The following LRRC2 variants were observed in gnomAD, a reference collection of about 807,000 sequenced individuals.
The protein encoded by LRRC2 is leucine rich repeat containing 2.
Under a neutral mutation model 40.2 loss-of-function variants are expected in LRRC2, and 27 were observed. The ratio of observed to expected loss-of-function variants is 0.67; its 90% CI spans 0.49 to 0.93. The LOEUF is 0.93. LRRC2 is among the 40% of genes least tolerant of loss of function. The pLI is 0.00. For synonymous variants in LRRC2, 147 were observed against 158.9 expected (o/e 0.92, Z 0.56); for missense variants, 402 against 439.6 (o/e 0.91, Z 0.76).
At chr3:46,564,675 G>A (rs554693870) in intron 1 of LRRC2, among the ~76,000 whole-genome samples, 23 of 152,226 alleles carry the variant, frequency 1.5e-4, no homozygotes, top group East Asian at 9.7e-4. Context: ...AGAGGAGGAC[G>A]GAGCTGATGC....
chr3:46,546,315 G>T (rs568705220), intron 2 of LRRC2, among the ~76,000 whole-genome samples: 1 of 152,234 alleles, frequency 6.6e-6, no homozygotes, highest in Admixed American at 6.5e-5. Flanking sequence ...AGGCTGTAGG[G>T]TGGCACTGTG....
chr3:46,529,221 A>G (rs1365659826), intron 6 of LRRC2, among the ~76,000 whole-genome samples: 3 of 152,166 alleles, frequency 2.0e-5, no homozygotes, highest in African/African-American at 7.2e-5. Flanking sequence ...GTCTAATAAT[A>G]TAAGTGAATG....
intron 3 of LRRC2, among the ~76,000 whole-genome samples, chr3:46,542,300 C>G (rs1704411931): frequency 6.6e-6 from 1 of 151,404 alleles, no homozygotes; most frequent in South Asian, 2.1e-4. Flanking sequence ...GAGTTCAAGA[C>G]CAGCCCAGAC....
At chr3:46,549,101 G>A (rs1704589098) in intron 2 of LRRC2, among the ~76,000 whole-genome samples, 1 of 152,136 alleles carries the variant, frequency 6.6e-6, no homozygotes, top group Admixed American at 6.5e-5. Context: ...TACTTATAAT[G>A]TTTAAGTATC....
At chr3:46,563,671 A>G (rs1704995495) in intron 1 of LRRC2, among the ~76,000 whole-genome samples, 2 of 152,146 alleles carry the variant, frequency 1.3e-5, no homozygotes, top group Non-Finnish European at 2.9e-5. Flanking sequence ...AAAGTATTTG[A>G]TTCATTATAT....
intron 4 of LRRC2, among the ~76,000 whole-genome samples, chr3:46,533,743 T>TTCCC (rs1553612478): frequency 8.9e-6 from 1 of 112,812 alleles, no homozygotes; most frequent in African/African-American, 3.4e-5. Flanking sequence ...CCTTCCTTCC[T>TTCCC]TCCTTCTTCC....
chr3:46,529,761 G>C, intron 6 of LRRC2, 144 bp downstream of exon 6: 1 of 851,308 alleles, frequency 1.2e-6, no homozygotes, highest in Non-Finnish European at 1.8e-6. Context: ...TAATTTCCTC[G>C]GAAACTGATT....
chr3:46,538,019 A>G (rs1165846603), intron 4 of LRRC2, among the ~76,000 whole-genome samples: 2 of 152,242 alleles, frequency 1.3e-5, no homozygotes, highest in African/African-American at 4.8e-5. Flanking sequence ...CAAGGTTAGT[A>G]CATGCATATG....
chr3:46,545,399 G>A (rs1044779711), intron 2 of LRRC2, 146 bp from the exon 3 acceptor site: 1 of 676,228 alleles, frequency 1.5e-6, no homozygotes, highest in East Asian at 2.7e-5. Context: ...CCTCCCTGCT[G>A]TGGGGGTGCA....
chr3:46,531,209 G>A (rs940035375), intron 5 of LRRC2, among the ~76,000 whole-genome samples: 1 of 150,820 alleles, frequency 6.6e-6, no homozygotes, highest in African/African-American at 2.4e-5. Context: ...GGAGTGCAGT[G>A]GAGAGATCTC....
intron 4 of LRRC2, among the ~76,000 whole-genome samples, chr3:46,535,566 T>C (rs945004559): frequency 6.6e-6 from 1 of 152,216 alleles, no homozygotes; most frequent in South Asian, 2.1e-4. Context: ...TGACCCCTTA[T>C]CCTACAAATG....
rs1703915767 is a variant in LRRC2 at position 46,518,865 on chromosome 3, C to T, written c.*149G>A. 3.6e-5 allele frequency: 23 copies of T among 632,944 alleles called. 1 individual carries two copies. In the South Asian group the frequency reaches 4.9e-4, roughly 13 times the overall value. 39.2% of individuals were successfully genotyped at this position (632,944 alleles called of 1,614,324 possible). On this transcript the variant is annotated 3_prime_UTR_variant, in exon 9 of 9. Coordinates refer to ENST00000395905, the MANE Select transcript of LRRC2 (RefSeq NM_024512.5). Reference sequence around the variant, plus strand: ...TGGAGGGAGATACTCATGTATTTGACATTTGAAAACCATTTTTTTTAGCAA... The same window carrying T: ...TGGAGGGAGATACTCATGTATTTGATATTTGAAAACCATTTTTTTTAGCAA...
rs571163690 is a variant in LRRC2 at position 46,538,522 on chromosome 3, T to C, written c.490+523A>G. Among the ~76,000 whole-genome samples, 4 of 151,800 alleles carry C rather than the reference T, an allele frequency of 2.6e-5. No homozygotes were observed. The East Asian group carries it at 7.8e-4, about 30-fold the overall frequency. On this transcript the variant is annotated intron_variant, in intron 4 of 8. Coordinates refer to ENST00000395905, the MANE Select transcript of LRRC2 (RefSeq NM_024512.5). ...GGTGGCACGTGACTGTAACCCTAGC[T>C]ACTTGGGAGGCTGAGGCAGGAGAAT...
chr3:46,532,038 T>C (rs1309109434), intron 5 of LRRC2, among the ~76,000 whole-genome samples: 2 of 152,238 alleles, frequency 1.3e-5, no homozygotes, highest in African/African-American at 4.8e-5. Context: ...AATGAATATT[T>C]TTAAATTAGT....
chr3:46,554,219 C>G (rs919674603), intron 1 of LRRC2, among the ~76,000 whole-genome samples: 3 of 122,606 alleles, frequency 2.4e-5, no homozygotes, highest in Non-Finnish European at 3.5e-5. Context: ...GGTGGTCCCA[C>G]TATGTTGCCC....
intron 4 of LRRC2, among the ~76,000 whole-genome samples, chr3:46,537,985 G>A (rs1286649351): frequency 5.3e-5 from 8 of 152,196 alleles, no homozygotes; most frequent in African/African-American, 1.9e-4. Flanking sequence ...CTCTTTGCCT[G>A]GGAGCAGGTG....
chr3:46,550,188 C>T (rs1704612395), intron 2 of LRRC2, among the ~76,000 whole-genome samples: 1 of 152,112 alleles, frequency 6.6e-6, no homozygotes, highest in African/African-American at 2.4e-5. Flanking sequence ...TCTGTGTGAA[C>T]TTGAGCAACT....
chr3:46,529,115 C>CAA (rs71942983), intron 6 of LRRC2, among the ~76,000 whole-genome samples: 1 of 142,192 alleles, frequency 7.0e-6, no homozygotes. Context: ...GACTCTGTCT[C>CAA]AAAAAAAAAA....
Position 46,549,007 on chromosome 3 carries a change from T to C in LRRC2, c.125+2460A>G, listed in dbSNP as rs544360811. ...ACCTCCTGCTGTGTGGCCCAGTTCC[T>C]AAAAGGCCAGCCCAGGGCTTGGGAA... On this transcript the variant is annotated intron_variant, in intron 2 of 8. Coordinates refer to ENST00000395905, the MANE Select transcript of LRRC2 (RefSeq NM_024512.5). Among the ~76,000 whole-genome samples, 10 of 152,248 alleles carry C rather than the reference T, an allele frequency of 6.6e-5. No homozygotes were observed. In the East Asian group the frequency reaches 1.7e-3, roughly 26 times the overall value.
Sources: gnomAD v4.1 joint callset for allele counts (sites outside exome capture counted in the v4.1 genomes callset) on GRCh38, gnomAD v4.1.1 for gene constraint, MANE v1.5 for transcripts, NCBI Gene and HGNC (gene_info 2026-07-23, HGNC 2026-07-21) for gene names.